Variants in MIGA1 observed in about 807,000 individuals in gnomAD.
MIGA1 encodes family with sequence similarity 73, member A.
MIGA1 carries 58 observed loss-of-function variants against 82.0 expected under a neutral mutation model. The ratio of observed to expected loss-of-function variants is 0.71; its 90% confidence interval spans 0.57 to 0.88. The LOEUF is 0.88. Among genes scored for constraint, MIGA1 ranks in the 40% least tolerant of loss-of-function variants. MIGA1 has a pLI of 0.00. For missense variants in MIGA1, 751 were observed against 749.1 expected, an observed-to-expected ratio of 1.00 and a Z score of -0.03; for synonymous variants, 249 against 253.6, an observed-to-expected ratio of 0.98 and a Z score of 0.17.
At chr1:77,825,982 CTG>C (rs1684015290) in intron 7 of MIGA1, among the ~76,000 whole-genome samples, 1 of 152,098 alleles carries the variant, frequency 6.6e-6, no homozygotes, top group Non-Finnish European at 1.5e-5. Context: ...CTTCATAAAA[CTG>C]TGAGGATTAA....
rs953023931 is a variant in MIGA1, at chr1:77,811,697, C to T, written c.638-2037C>T. 22 of 1,608,222 alleles carry T rather than the reference C, an allele frequency of 1.4e-5. No individual in the cohort carries two copies. The Admixed American group carries it at 2.3e-4, about 17-fold the overall frequency. ...ATCTGATACTCGTCTATCGCCTCCA[C>T]CAGCTGGCCCCAAGAGTCGAAGTCG... On this transcript the variant is annotated intron_variant, in intron 5 of 15. Coordinates refer to ENST00000370791, the MANE Select transcript of MIGA1 (RefSeq NM_198549.4).
At chr1:77,781,007 A>G (rs1681887751) in intron 1 of MIGA1, among the ~76,000 whole-genome samples, 1 of 148,728 alleles carries the variant, frequency 6.7e-6, no homozygotes, top group Non-Finnish European at 1.5e-5. Flanking sequence ...CTAGGGTTCT[A>G]GAAGTTCTCC....
chr1:77,803,039 T>C (rs1682948013), intron 3 of MIGA1, among the ~76,000 whole-genome samples: 1 of 152,164 alleles, frequency 6.6e-6, no homozygotes. Context: ...GTGAATATTC[T>C]ATTCTTCATT....
At chr1:77,846,342 C>A (rs370252700) in intron 8 of MIGA1, among the ~76,000 whole-genome samples, 1 of 152,120 alleles carries the variant, frequency 6.6e-6, no homozygotes, top group African/African-American at 2.4e-5. Context: ...ATTCTTCCAT[C>A]TGTTAAAGAT....
intron 2 of MIGA1, among the ~76,000 whole-genome samples, chr1:77,784,991 G>C (rs888753444): frequency 6.6e-6 from 1 of 152,032 alleles, no homozygotes; most frequent in African/African-American, 2.4e-5. Context: ...CAACACGTGG[G>C]AATTCAAGAT....
intron 1 of MIGA1, 109 bp from the exon 2 acceptor site, chr1:77,783,128 AT>A: frequency 3.0e-6 from 2 of 664,960 alleles, no homozygotes; most frequent in Non-Finnish European, 4.8e-6. Flanking sequence ...GTCATCAATA[AT>A]TGACTGCAAA....
At chr1:77,859,680 T>G in intron 10 of MIGA1, 1 of 390,392 alleles carries the variant, frequency 2.6e-6, no homozygotes, top group African/African-American at 2.0e-5. Flanking sequence ...TCTTTCTTAT[T>G]AATTAGTGTG....
At chr1:77,834,537 A>G (rs2101866363) in intron 7 of MIGA1, among the ~76,000 whole-genome samples, 1 of 152,316 alleles carries the variant, frequency 6.6e-6, no homozygotes. Context: ...ATTGAGGCAC[A>G]TTGAGGTTAA....
chr1:77,798,519 G>A (rs1682750947), intron 2 of MIGA1, among the ~76,000 whole-genome samples: 1 of 152,182 alleles, frequency 6.6e-6, no homozygotes, highest in Non-Finnish European at 1.5e-5. Context: ...ATCAGCTCTT[G>A]TGAGACATAT....
At position 77,814,343 on chromosome 1, in the gene MIGA1, T is replaced by G. The variant is rs75273123; in HGVS notation, c.771+476T>G. ...TGCCAGATTTACCATTCATCAAGTT[T>G]ATTGACTTTCCCAGGATATGCAAAA... On this transcript the variant is annotated intron_variant, in intron 6 of 15. Transcript: ENST00000370791. Among the ~76,000 whole-genome samples the G allele has an allele frequency of 5.4e-3, 830 of 152,334 alleles. 7 individuals carry two copies. Among genetic ancestry groups the G allele is most frequent in the African/African-American group, 0.019 (793 of 41,568 alleles).
intron 14 of MIGA1, among the ~76,000 whole-genome samples, chr1:77,870,014 C>T (rs1571023249): frequency 7.6e-6 from 1 of 131,760 alleles, no homozygotes; most frequent in African/African-American, 2.8e-5. Flanking sequence ...GGCAGAGGGG[C>T]TCCTCACTTC....
At chr1:77,856,337 T>C (rs1685253382) in intron 8 of MIGA1, among the ~76,000 whole-genome samples, 1 of 152,204 alleles carries the variant, frequency 6.6e-6, no homozygotes, top group South Asian at 2.1e-4. Flanking sequence ...TCATCAAGGA[T>C]ATCGGTCTGT....
intron 8 of MIGA1, among the ~76,000 whole-genome samples, chr1:77,851,044 A>G (rs1315465708): frequency 6.6e-6 from 1 of 151,940 alleles, no homozygotes; most frequent in Non-Finnish European, 1.5e-5. Flanking sequence ...TAATTTCTGT[A>G]TTTTTAGTAG....
intron 7 of MIGA1, among the ~76,000 whole-genome samples, chr1:77,835,268 G>T (rs1200918747): frequency 6.6e-6 from 1 of 152,174 alleles, no homozygotes; most frequent in Admixed American, 6.5e-5. Context: ...CTTGGATCCA[G>T]TCAGATTTTT....
At chr1:77,788,338 T>C (rs569888853) in intron 2 of MIGA1, among the ~76,000 whole-genome samples, 50 of 151,882 alleles carry the variant, frequency 3.3e-4, no homozygotes, top group Non-Finnish European at 7.1e-4. Context: ...GGGGTTTCAC[T>C]ATGTTGGCTA....
At chr1:77,779,772 G>A in intron 1 of MIGA1, 36 bp downstream of exon 1, 1 of 1,527,554 alleles carries the variant, frequency 6.5e-7, no homozygotes, top group Non-Finnish European at 8.8e-7. Flanking sequence ...TGGAGAGGCG[G>A]GCGGGAGGAA....
chr1:77,838,510 C>T (rs768406530), intron 7 of MIGA1, among the ~76,000 whole-genome samples: 9 of 152,030 alleles, frequency 5.9e-5, no homozygotes, highest in East Asian at 3.8e-4. Flanking sequence ...TATAGTGGTG[C>T]GATCTCAGCT....
intron 14 of MIGA1, among the ~76,000 whole-genome samples, chr1:77,868,940 A>AT (rs1325175440): frequency 1.0e-3 from 148 of 145,142 alleles, no homozygotes; most frequent in Middle Eastern, 7.1e-3. Context: ...TAATTTATTT[A>AT]TTTTTTTTTT....
intron 8 of MIGA1, chr1:77,847,978 A>C: frequency 8.2e-7 from 1 of 1,223,892 alleles, no homozygotes; most frequent in South Asian, 1.2e-5. Context: ...ACCCCCAAGC[A>C]CCACAGGAAT....
Sources: allele counts gnomAD v4.1 joint callset (sites outside exome capture counted in the v4.1 genomes callset), GRCh38; gene constraint gnomAD v4.1.1; transcripts MANE v1.5; gene names NCBI Gene and HGNC (gene_info 2026-07-23, HGNC 2026-07-21).